TMEM161A: variants seen among roughly 807,000 people sequenced by gnomAD.
TMEM161A encodes adaptive response to oxidative stress protein 29.
A neutral mutation model predicts 57.1 loss-of-function variants in TMEM161A; 46 were observed. The ratio of observed to expected loss-of-function variants is 0.81; its 90% CI spans 0.64 to 1.03. The LOEUF (loss-of-function observed/expected upper bound fraction) is 1.03. Ranked by LOEUF, TMEM161A falls within the 50% of genes least tolerant of loss-of-function variation. TMEM161A has a pLI of 0.00. For missense variants in TMEM161A, 601 were observed against 621.5 expected (o/e 0.97, Z 0.35); for synonymous variants, 288 against 279.0 (o/e 1.03, Z -0.32).
intron 6 of TMEM161A, among the ~76,000 whole-genome samples, chr19:19,126,066 G>C (rs2059929689): frequency 6.6e-6 from 1 of 150,688 alleles, no homozygotes; most frequent in African/African-American, 2.4e-5. Flanking sequence ...TGGAGTTCAA[G>C]ACCAGCCTGG....
intron 2 of TMEM161A, 115 bp downstream of exon 2, chr19:19,134,669 T>G: frequency 1.4e-6 from 1 of 691,042 alleles, no homozygotes. Context: ...ACAACGTTTT[T>G]CCCCCCACCA....
At position 19,132,600 on chromosome 19, in the gene TMEM161A, G is replaced by A; in HGVS notation, c.286+57C>T. The A allele has an allele frequency of 1.3e-6, 2 of 1,566,720 alleles. No individual in the cohort carries two copies. The highest frequency in any genetic ancestry group is 1.8e-5 in the Admixed American group (1 of 54,908). ...TCAAATCCTCCCCACCCCCATGAGGGTGTGGAGACCTTCAGGGCTGAGGGA... is the reference window on the plus strand; with the variant it reads ...TCAAATCCTCCCCACCCCCATGAGGATGTGGAGACCTTCAGGGCTGAGGGA... On this transcript the variant is annotated intron_variant, in intron 4 of 11. Transcript: ENST00000162044. This position sits in a 1 kb window ranked among gnomAD's most constrained non-coding sequence, Gnocchi z 4.3.
chr19:19,127,368 G>A (rs1174886219), intron 6 of TMEM161A, among the ~76,000 whole-genome samples: 7 of 148,122 alleles, frequency 4.7e-5, no homozygotes, highest in Non-Finnish European at 8.9e-5. Context: ...CACCCAGGCC[G>A]GAGTGCAGTG....
intron 6 of TMEM161A, among the ~76,000 whole-genome samples, chr19:19,123,446 C>A (rs1174366051): frequency 2.0e-5 from 3 of 152,098 alleles, no homozygotes; most frequent in African/African-American, 7.2e-5. Flanking sequence ...AAAGGAACAA[C>A]AATTAGGCTG....
rs569853376 is a variant in TMEM161A at position 19,130,202 on chromosome 19, C to G, written c.549G>C (p.Leu183=). ...GGGTCTCCTCCCGCACCACTTGCACCAGCATGGCCAGCAGCAGGAAGAGGA... is the reference window on the plus strand; with the variant it reads ...GGGTCTCCTCCCGCACCACTTGCACGAGCATGGCCAGCAGCAGGAAGAGGA... The part of the protein sequence containing the change: ...FAFLFLLLAM[L]VQVVREETLE... Residue 183 remains leucine, a synonymous_variant, in exon 6 of 12, where the codon CTG becomes CTC. Coordinates refer to ENST00000162044, the MANE Select transcript of TMEM161A (RefSeq NM_017814.3). The G allele has an allele frequency of 1.1e-5, 18 of 1,613,828 alleles. No individual in the cohort carries two copies. In the Admixed American group the frequency reaches 3.0e-4, roughly 27 times the overall value.
At chr19:19,124,282 C>T (rs1463024195) in intron 6 of TMEM161A, among the ~76,000 whole-genome samples, 1 of 152,244 alleles carries the variant, frequency 6.6e-6, no homozygotes, top group East Asian at 1.9e-4. Flanking sequence ...AAGTCACAGA[C>T]AAAAGGTTAG....
intron 5 of TMEM161A, among the ~76,000 whole-genome samples, chr19:19,131,438 C>T (rs1326216597): frequency 6.6e-6 from 1 of 151,684 alleles, no homozygotes; most frequent in African/African-American, 2.4e-5. Flanking sequence ...AAAGCAAGAT[C>T]CTGTCTCAAC....
In TMEM161A at chr19:19,132,525, G is replaced by C; in HGVS notation, c.287-17C>G. ...AGCGCAGGACTGTGGGGGGCACTCT[G>C]CTCAGCCCTGGGGCCCAGCTCGCTC... On this transcript the variant is annotated splice_polypyrimidine_tract_variant and intron_variant, in intron 4 of 11. Coordinates refer to ENST00000162044, the MANE Select transcript of TMEM161A (RefSeq NM_017814.3). The surrounding 1 kb of genome is among the most constrained non-coding windows in gnomAD (Gnocchi z 4.3). The C allele has an allele frequency of 6.2e-7, 1 of 1,611,144 alleles. No individual in the cohort carries two copies. The highest frequency in any genetic ancestry group is 1.1e-5 in the South Asian group (1 of 90,718).
In TMEM161A at chr19:19,120,816, G is replaced by C. The variant is rs759504285; in HGVS notation, c.1135C>G (p.Leu379Val). ...TTGAGGGTGAGGATGAGCGGCGTCAGGTACTGCAAGCTCACCACGGTCACA... is the reference window on the plus strand; with the variant it reads ...TTGAGGGTGAGGATGAGCGGCGTCACGTACTGCAAGCTCACCACGGTCACA... ...CYVTVVSLQY[L>V]TPLILTLNCT... Residue 379 changes from leucine (L) to valine (V), a missense_variant, in exon 11 of 12, where the codon CTG (leucine) becomes GTG (valine). Transcript: ENST00000162044. 6.2e-7 allele frequency: 1 copy of C among 1,613,486 alleles called. No homozygotes were observed. The highest frequency in any genetic ancestry group is 1.3e-5 in the African/African-American group (1 of 75,044).
chr19:19,123,735 T>C (rs1248047421), intron 6 of TMEM161A, among the ~76,000 whole-genome samples: 1 of 152,208 alleles, frequency 6.6e-6, no homozygotes, highest in African/African-American at 2.4e-5. Context: ...CTAGAAAGGC[T>C]ATACTACTAC....
Position 19,130,276 on chromosome 19 carries a change from A to G in TMEM161A, c.475T>C (p.Phe159Leu), listed in dbSNP as rs748709293. Residue 159 changes from phenylalanine (F) to leucine (L), a missense_variant, in exon 6 of 12, where the codon TTC becomes CTC. Phe to Leu is a conservative substitution (Grantham distance 22). Transcript: ENST00000162044. ...CGCTCACCCCCCTCCTCGGCGCTGAAGTACAGCCGTGTCACTGTCAGGAAC... is the reference window on the plus strand; with the variant it reads ...CGCTCACCCCCCTCCTCGGCGCTGAGGTACAGCCGTGTCACTGTCAGGAAC... ...KMFLTVTRLY[F>L]SAEEGGERSV... The G allele has an allele frequency of 3.1e-6, 5 of 1,613,742 alleles. No individual in the cohort carries two copies. Among genetic ancestry groups the G allele is most frequent in the Admixed American group, 3.3e-5 (2 of 60,014 alleles).
intron 6 of TMEM161A, among the ~76,000 whole-genome samples, chr19:19,128,017 C>A (rs527607623): frequency 1.3e-5 from 2 of 152,082 alleles, no homozygotes; most frequent in African/African-American, 2.4e-5. Context: ...GAAATGAGCA[C>A]GTCACAAAAG....
At chr19:19,128,358 A>G (rs1599707624) in intron 6 of TMEM161A, among the ~76,000 whole-genome samples, 1 of 151,580 alleles carries the variant, frequency 6.6e-6, no homozygotes, top group East Asian at 1.9e-4. Flanking sequence ...CAGCCTCCCA[A>G]GTAGCTGGGA....
chr19:19,121,223 A>T lies in TMEM161A; in HGVS notation c.915-57T>A. The stretch of plus-strand genomic sequence containing the variant: ...AGAAGGTCGCCCCCGACCCCCCAGG[A>T]TCTTCCCCAGGCTCCTCCCTGAATC... On this transcript the variant is annotated intron_variant, in intron 9 of 11. Coordinates refer to ENST00000162044, the MANE Select transcript of TMEM161A (RefSeq NM_017814.3). The surrounding 1 kb of genome is among the most constrained non-coding windows in gnomAD (Gnocchi z 5.8). The T allele has an allele frequency of 6.4e-7, 1 of 1,551,208 alleles. No homozygotes were observed. The highest frequency in any genetic ancestry group is 8.7e-7 in the Non-Finnish European group (1 of 1,146,830).
At position 19,121,291 on chromosome 19, in the gene TMEM161A, C is replaced by T; in HGVS notation, c.914+17G>A. ...CAGGGGAGCCCCAGCTACCTCCTAG[C>T]CCCACCCAATACGCACAGGGAGAAA... On this transcript the variant is annotated intron_variant, in intron 9 of 11. Coordinates refer to ENST00000162044, the MANE Select transcript of TMEM161A (RefSeq NM_017814.3). The surrounding 1 kb of genome is among the most constrained non-coding windows in gnomAD (Gnocchi z 5.8). 6.4e-7 allele frequency: 1 copy of T among 1,555,710 alleles called. No homozygotes were observed. The highest frequency in any genetic ancestry group is 2.0e-5 in the Admixed American group (1 of 51,168).
rs10417318 is a variant in TMEM161A, at chr19:19,138,429, G to A, written c.-1C>T. ...ACTTCGCGGGACGCTCGCTCACCAT[G>A]ACGCGTGCGAGAACGCGGTGCACTC... On this transcript the variant is annotated 5_prime_UTR_variant, in exon 1 of 12. Coordinates refer to ENST00000162044, the MANE Select transcript of TMEM161A (RefSeq NM_017814.3). 0.041 allele frequency: 65,466 copies of A among 1,603,030 alleles called. 1,627 individuals carry two copies. The highest frequency in any genetic ancestry group is 0.11 in the African/African-American group (7,906 of 74,702).
intron 6 of TMEM161A, among the ~76,000 whole-genome samples, chr19:19,125,134 T>C (rs1238493502): frequency 1.3e-5 from 2 of 151,898 alleles, no homozygotes; most frequent in Non-Finnish European, 2.9e-5. Flanking sequence ...TGTTCTCAAA[T>C]CCAGAGGTCC....
chr19:19,124,568 A>G (rs1345569628), intron 6 of TMEM161A, among the ~76,000 whole-genome samples: 3 of 152,226 alleles, frequency 2.0e-5, no homozygotes, highest in Non-Finnish European at 4.4e-5. Context: ...TTAATAATCC[A>G]TAGGTCAAAG....
rs2059898152 is a variant in TMEM161A, at chr19:19,119,796, C to T, written c.*134G>A. 6.8e-6 allele frequency: 8 copies of T among 1,179,488 alleles called. No individual in the cohort carries two copies. The highest frequency in any genetic ancestry group is 9.4e-6 in the Non-Finnish European group (8 of 853,996). The allele number at this position is 1,179,488 out of a possible 1,614,324, so 73.1% of individuals were successfully genotyped here. A position where few individuals can be genotyped will look rare whatever the true frequency, so the allele number is the denominator to read the frequency against. On this transcript the variant is annotated 3_prime_UTR_variant, in exon 12 of 12. Transcript: ENST00000162044. Reference sequence around the variant, plus strand: ...TCCAAGGGGGGCCGCGGGTCAGGCACTGTGGTGAAGGGAACGCCGGGGAGT... The same window carrying T: ...TCCAAGGGGGGCCGCGGGTCAGGCATTGTGGTGAAGGGAACGCCGGGGAGT...
Sources: gnomAD v4.1 joint callset for allele counts (sites outside exome capture counted in the v4.1 genomes callset) on GRCh38, gnomAD v4.1.1 for gene constraint, Gnocchi (gnomAD v3.1) non-coding constraint, MANE v1.5 for transcripts, NCBI Gene and HGNC (gene_info 2026-07-23, HGNC 2026-07-21) for gene names.